The following NET1 variants were observed in gnomAD, a reference collection of about 807,000 sequenced individuals.
NET1 encodes neuroepithelial cell-transforming gene 1 protein.
In NET1, 42 loss-of-function variants were observed where a neutral mutation model predicts 61.1. The ratio of observed to expected loss-of-function variants is 0.69; its 90% CI spans 0.54 to 0.89. NET1 has a LOEUF of 0.89. Among genes scored for constraint, NET1 ranks in the 40% least tolerant of loss-of-function variants. NET1 has a pLI of 0.00. For missense variants in NET1, 654 were observed against 747.3 expected, an observed-to-expected ratio of 0.88 and a Z score of 1.46; for synonymous variants, 254 against 281.8, an observed-to-expected ratio of 0.90 and a Z score of 0.99.
chr10:5,458,933 T>C lies in NET1; in HGVS notation c.*1939T>C, dbSNP rs965513783. Reference sequence around the variant, plus strand: ...CTTCTGAAGTTTAAGAAGCAAGTAATAGTTCAAGTGTTGTTAATGGAATTA... The same window carrying C: ...CTTCTGAAGTTTAAGAAGCAAGTAACAGTTCAAGTGTTGTTAATGGAATTA... On this transcript the variant is annotated 3_prime_UTR_variant, in exon 12 of 12. Transcript: ENST00000355029. The surrounding 1 kb of genome is among the most constrained non-coding windows in gnomAD (Gnocchi z 4.5). Among the ~76,000 whole-genome samples the C allele has an allele frequency of 1.3e-5, 2 of 152,184 alleles. No individual in the cohort carries two copies. Among genetic ancestry groups the C allele is most frequent in the South Asian group, 4.1e-4 (2 of 4,828 alleles).
At position 5,412,956 on chromosome 10, in the gene NET1, A is replaced by T; in HGVS notation, c.128+136A>T. 9.6e-6 allele frequency: 2 copies of T among 208,876 alleles called. No individual in the cohort carries two copies. The highest frequency in any genetic ancestry group is 1.4e-5 in the Non-Finnish European group (2 of 143,026). 12.9% of individuals were successfully genotyped at this position (208,876 alleles called of 1,614,324 possible). A position where few individuals can be genotyped will look rare whatever the true frequency, so the allele number is the denominator to read the frequency against. On this transcript the variant is annotated intron_variant, in intron 1 of 11. Transcript: ENST00000355029. This position sits in a 1 kb window ranked among gnomAD's most constrained non-coding sequence, Gnocchi z 6.5. ...CGGGAGTTGGATGTGGGGGGCGGCGAGTGGGGGTGTTGGTGAGGGCCAGGG... is the reference window on the plus strand; with the variant it reads ...CGGGAGTTGGATGTGGGGGGCGGCGTGTGGGGGTGTTGGTGAGGGCCAGGG...
intron 3 of NET1, among the ~76,000 whole-genome samples, chr10:5,450,824 T>A (rs554896724): frequency 6.6e-6 from 1 of 152,300 alleles, no homozygotes; most frequent in South Asian, 2.1e-4. Context: ...AGCGATAAAA[T>A]TAGAATAATG....
chr10:5,434,512 G>T (rs952200862), intron 3 of NET1, among the ~76,000 whole-genome samples: 6 of 152,090 alleles, frequency 3.9e-5, no homozygotes, highest in Non-Finnish European at 8.8e-5. Flanking sequence ...AGGCTTCAGG[G>T]GAGGTTGAAG....
At chr10:5,413,056 G>T (rs61854767) in intron 1 of NET1, among the ~76,000 whole-genome samples, 30,417 of 142,116 alleles carry the variant, frequency 0.21, 4,479 homozygotes, top group Admixed American at 0.34. Flanking sequence ...GACGGGGGCC[G>T]CTGGAAGTGA....
chr10:5,446,663 G>C lies in NET1; in HGVS notation c.256-5167G>C, dbSNP rs1644070440. The C allele has an allele frequency of 1.5e-6, 2 of 1,329,112 alleles. No individual in the cohort carries two copies. The highest frequency in any genetic ancestry group is 1.5e-5 in the African/African-American group (1 of 67,202). 82.3% of individuals were successfully genotyped at this position (1,329,112 alleles called of 1,614,324 possible). On this transcript the variant is annotated intron_variant, in intron 3 of 11. Coordinates refer to ENST00000355029, the MANE Select transcript of NET1 (RefSeq NM_001047160.3). The surrounding 1 kb of genome is among the most constrained non-coding windows in gnomAD (Gnocchi z 5.0). The stretch of plus-strand genomic sequence containing the variant: ...CATGGGCACGTGGCTGCCGAGGGTG[G>C]CCGAGCTCTGGGAAGAAAAGCCCGT...
rs1206399368 is a variant in NET1 at position 5,458,883 on chromosome 10, G to T, written c.*1889G>T. Among the ~76,000 whole-genome samples, 3 of 152,192 alleles carry T rather than the reference G, an allele frequency of 2.0e-5. No individual in the cohort carries two copies. The highest frequency in any genetic ancestry group is 7.2e-5 in the African/African-American group (3 of 41,454). ...ATTTCCAGAGGTGTTGTATAGAATA[G>T]TTATTCCAGAGTTACCTTGATCAGC... On this transcript the variant is annotated 3_prime_UTR_variant, in exon 12 of 12. Coordinates refer to ENST00000355029, the MANE Select transcript of NET1 (RefSeq NM_001047160.3). This position sits in a 1 kb window ranked among gnomAD's most constrained non-coding sequence, Gnocchi z 4.5.
At position 5,451,717 on chromosome 10, in the gene NET1, T is replaced by C; in HGVS notation, c.256-113T>C. On this transcript the variant is annotated intron_variant, in intron 3 of 11. Coordinates refer to ENST00000355029, the MANE Select transcript of NET1 (RefSeq NM_001047160.3). This position sits in a 1 kb window ranked among gnomAD's most constrained non-coding sequence, Gnocchi z 6.1. The stretch of plus-strand genomic sequence containing the variant: ...AGAACAACTCTTACTTTCATGTTTC[T>C]GTATTTTATAATGTACAAAAATTGT... 1 of 656,764 alleles carries C rather than the reference T, an allele frequency of 1.5e-6. No individual in the cohort carries two copies. The highest frequency in any genetic ancestry group is 2.7e-5 in the South Asian group (1 of 36,836). 40.7% of individuals were successfully genotyped at this position (656,764 alleles called of 1,614,324 possible).
Position 5,456,312 on chromosome 10 carries a change from C to G in NET1, c.1384+39C>G. ...CTTCAATAATTTAAAGAAATAGAAG[C>G]TCAGAACTGAAGTGAATTTAGTTTT... On this transcript the variant is annotated intron_variant, in intron 11 of 11. Coordinates refer to ENST00000355029, the MANE Select transcript of NET1 (RefSeq NM_001047160.3). The surrounding 1 kb of genome is among the most constrained non-coding windows in gnomAD (Gnocchi z 7.0). 1 of 1,515,670 alleles carries G rather than the reference C, an allele frequency of 6.6e-7. No homozygotes were observed. The highest frequency in any genetic ancestry group is 1.4e-5 in the African/African-American group (1 of 71,662). 93.9% of individuals were successfully genotyped at this position (1,515,670 alleles called of 1,614,324 possible).
chr10:5,426,553 A>G lies in NET1; in HGVS notation c.129-102A>G. 1 of 820,388 alleles carries G rather than the reference A, an allele frequency of 1.2e-6. No homozygotes were observed. Among genetic ancestry groups the G allele is most frequent in the Non-Finnish European group, 1.9e-6 (1 of 513,146 alleles). The allele number at this position is 820,388 out of a possible 1,614,324, so 50.8% of individuals were successfully genotyped here. A position where few individuals can be genotyped will look rare whatever the true frequency, so the allele number is the denominator to read the frequency against. ...ATTGAATGACAAATCAGGCCACTTT[A>G]AACGGTTTTGAAAGTATGAAAAGTA... On this transcript the variant is annotated intron_variant, in intron 1 of 11. Transcript: ENST00000355029. The surrounding 1 kb of genome is among the most constrained non-coding windows in gnomAD (Gnocchi z 4.6).
Position 5,457,458 on chromosome 10 carries a change from C to T in NET1, c.*464C>T, listed in dbSNP as rs1274489293. On this transcript the variant is annotated 3_prime_UTR_variant, in exon 12 of 12. Transcript: ENST00000355029. This position sits in a 1 kb window ranked among gnomAD's most constrained non-coding sequence, Gnocchi z 5.4. ...CATGGAATGTATGTCTGGAGTATTT[C>T]AAACTTTACATTGAAACATAATTTC... 2 of 152,732 alleles carry T rather than the reference C, an allele frequency of 1.3e-5. No homozygotes were observed. Among genetic ancestry groups the T allele is most frequent in the Non-Finnish European group, 2.9e-5 (2 of 68,132 alleles). The allele number at this position is 152,732 out of a possible 1,614,324, so 9.5% of individuals were successfully genotyped here. A position where few individuals can be genotyped will look rare whatever the true frequency, so the allele number is the denominator to read the frequency against.
Position 5,416,414 on chromosome 10 carries a change from C to G in NET1, c.128+3594C>G, listed in dbSNP as rs984409651. The stretch of plus-strand genomic sequence containing the variant: ...AATTCTATGTGAATTTTAGAATCAG[C>G]TTAATCGATTTTTACAAAGGAGTCC... On this transcript the variant is annotated intron_variant, in intron 1 of 11. Coordinates refer to ENST00000355029, the MANE Select transcript of NET1 (RefSeq NM_001047160.3). This position sits in a 1 kb window ranked among gnomAD's most constrained non-coding sequence, Gnocchi z 6.1. 1.3e-5 allele frequency among the ~76,000 whole-genome samples: 2 copies of G among 152,148 alleles called. No individual in the cohort carries two copies. The highest frequency in any genetic ancestry group is 4.8e-5 in the African/African-American group (2 of 41,442).
intron 2 of NET1, among the ~76,000 whole-genome samples, chr10:5,428,433 C>A (rs897212432): frequency 1.4e-5 from 1 of 69,730 alleles, no homozygotes; most frequent in Non-Finnish European, 2.9e-5. Flanking sequence ...TACTTTGGGC[C>A]ATGAGAAAAG....
chr10:5,453,091 G>A lies in NET1; in HGVS notation c.595-159G>A, dbSNP rs936446795. On this transcript the variant is annotated intron_variant, in intron 6 of 11. Transcript: ENST00000355029. This position sits in a 1 kb window ranked among gnomAD's most constrained non-coding sequence, Gnocchi z 4.9. ...CATCCTCAAATACAAGTATTAGTAA[G>A]AGAGTTTATTTGGGGATTAATACAT... is the stretch of plus-strand genomic sequence containing the variant. 8 of 713,012 alleles carry A rather than the reference G, an allele frequency of 1.1e-5. No homozygotes were observed. Among genetic ancestry groups the A allele is most frequent in the Non-Finnish European group, 1.7e-5 (7 of 406,474 alleles). 44.2% of individuals were successfully genotyped at this position (713,012 alleles called of 1,614,324 possible). A position where few individuals can be genotyped will look rare whatever the true frequency, so the allele number is the denominator to read the frequency against.
At position 5,444,227 on chromosome 10, in the gene NET1, G is replaced by A. The variant is rs1832569623; in HGVS notation, c.256-7603G>A. Among the ~76,000 whole-genome samples the A allele has an allele frequency of 6.6e-6, 1 of 152,168 alleles. No homozygotes were observed. Among genetic ancestry groups the A allele is most frequent in the South Asian group, 2.1e-4 (1 of 4,828 alleles). On this transcript the variant is annotated intron_variant, in intron 3 of 11. Transcript: ENST00000355029. This position sits in a 1 kb window ranked among gnomAD's most constrained non-coding sequence, Gnocchi z 5.3. ...CAGACTGGACAATAGAGTAGATGAT[G>A]AAACAGAGCCAATCTCCATTACTTT... is the stretch of plus-strand genomic sequence containing the variant.
At chr10:5,418,779 G>A (rs1832119881) in intron 1 of NET1, among the ~76,000 whole-genome samples, 1 of 152,056 alleles carries the variant, frequency 6.6e-6, no homozygotes, top group Admixed American at 6.5e-5. Flanking sequence ...ACTGATTTGA[G>A]ATCTTTTTCT....
rs2119216906 is a variant in NET1, at chr10:5,455,126, A to G, written c.1197+8A>G. ...CGGAGCAAGAGTGGACATGTAGGTG[A>G]CTTTTGCTGCCGTGGCAGAGCAGCC... On this transcript the variant is annotated splice_region_variant and intron_variant, in intron 10 of 11. Transcript: ENST00000355029. The surrounding 1 kb of genome is among the most constrained non-coding windows in gnomAD (Gnocchi z 6.5). The G allele has an allele frequency of 1.2e-6, 2 of 1,612,222 alleles. No individual in the cohort carries two copies. The highest frequency in any genetic ancestry group is 8.5e-7 in the Non-Finnish European group (1 of 1,179,504).
chr10:5,451,426 C>G lies in NET1; in HGVS notation c.256-404C>G, dbSNP rs974579400. ...ATTGTTATACCAGACACTGTGGAGG[C>G]CCCTCGATAGACACATGGGATCCAT... is the stretch of plus-strand genomic sequence containing the variant. On this transcript the variant is annotated intron_variant, in intron 3 of 11. Transcript: ENST00000355029. The surrounding 1 kb of genome is among the most constrained non-coding windows in gnomAD (Gnocchi z 6.1). Among the ~76,000 whole-genome samples the G allele has an allele frequency of 6.6e-6, 1 of 151,960 alleles. No individual in the cohort carries two copies. Among genetic ancestry groups the G allele is most frequent in the Non-Finnish European group, 1.5e-5 (1 of 67,996 alleles).
chr10:5,449,287 C>CT lies in NET1; in HGVS notation c.256-2540dup, dbSNP rs1205738690. On this transcript the variant is annotated intron_variant, in intron 3 of 11. Coordinates refer to ENST00000355029, the MANE Select transcript of NET1 (RefSeq NM_001047160.3). This position sits in a 1 kb window ranked among gnomAD's most constrained non-coding sequence, Gnocchi z 4.4. ...TTGCCAAACATTCTTCATGTATGTCCTTTGAGTGAGGCAGGAAAGTTATCC... is the reference window on the plus strand; with the variant it reads ...TTGCCAAACATTCTTCATGTATGTCCTTTTGAGTGAGGCAGGAAAGTTATCC... Among the ~76,000 whole-genome samples the CT allele has an allele frequency of 1.3e-5, 2 of 152,064 alleles. No individual in the cohort carries two copies. The highest frequency in any genetic ancestry group is 2.9e-5 in the Non-Finnish European group (2 of 68,002).
rs754806546 is a variant in NET1 at position 5,422,455 on chromosome 10, A to G, written c.129-4200A>G. Among the ~76,000 whole-genome samples, 1 of 152,152 alleles carries G rather than the reference A, an allele frequency of 6.6e-6. No homozygotes were observed. The highest frequency in any genetic ancestry group is 2.4e-5 in the African/African-American group (1 of 41,434). On this transcript the variant is annotated intron_variant, in intron 1 of 11. Transcript: ENST00000355029. The surrounding 1 kb of genome is among the most constrained non-coding windows in gnomAD (Gnocchi z 4.1). ...CACTAACATCTTAAGGAATTGCCAC[A>G]CTGTTTCCAAAGAGTACTGGATTGT...
Sources: gnomAD v4.1 joint callset for allele counts (sites outside exome capture counted in the v4.1 genomes callset) on GRCh38, gnomAD v4.1.1 for gene constraint, Gnocchi (gnomAD v3.1) non-coding constraint, MANE v1.5 for transcripts, NCBI Gene and HGNC (gene_info 2026-07-23, HGNC 2026-07-21) for gene names.